THSD7A: variants seen among roughly 807,000 people sequenced by gnomAD.
THSD7A encodes thrombospondin type-1 domain-containing protein 7A.
A neutral mutation model predicts 231.3 loss-of-function variants in THSD7A; 96 were observed. The ratio of observed to expected loss-of-function variants is 0.41; its 90% CI spans 0.35 to 0.49. The LOEUF is 0.49. Among genes scored for constraint, THSD7A ranks in the 20% least tolerant of loss-of-function variants. The pLI, the probability that THSD7A is intolerant of heterozygous loss-of-function variation, is 0.05. For missense variants in THSD7A, 2,290 were observed against 2,070.2 expected (o/e 1.11, Z -2.06); for synonymous variants, 940 against 743.3 (o/e 1.26, Z -4.30).
chr7:11,663,765 A>G (rs911599739), intron 1 of THSD7A, among the ~76,000 whole-genome samples: 5 of 151,676 alleles, frequency 3.3e-5, no homozygotes, highest in African/African-American at 1.2e-4. Flanking sequence ...ATGTAATAAA[A>G]TAAGAACTAC....
chr7:11,550,447 G>C (rs919618923), intron 4 of THSD7A, among the ~76,000 whole-genome samples: 1 of 152,134 alleles, frequency 6.6e-6, no homozygotes, highest in Non-Finnish European at 1.5e-5. Flanking sequence ...TCAAGGGAGG[G>C]ACCTGGCAGG....
chr7:11,606,635 G>A (rs1008394390), intron 2 of THSD7A, among the ~76,000 whole-genome samples: 6 of 151,204 alleles, frequency 4.0e-5, no homozygotes, highest in Non-Finnish European at 7.4e-5. Flanking sequence ...TTTTCTTCCT[G>A]TAAAGATACA....
In THSD7A at chr7:11,382,334, A is replaced by C. The variant is rs117392417; in HGVS notation, c.4507+187T>G. Among the ~76,000 whole-genome samples the C allele has an allele frequency of 2.9e-3, 440 of 152,328 alleles. 3 individuals carry two copies. The highest frequency in any genetic ancestry group is 6.8e-3 in the Middle Eastern group (2 of 294). ...AAAAGGCTAGGTGAGAGATAATTTGAACCACCTATAAAATAAAATAATTTG... is the reference window on the plus strand; with the variant it reads ...AAAAGGCTAGGTGAGAGATAATTTGCACCACCTATAAAATAAAATAATTTG... On this transcript the variant is annotated intron_variant, in intron 24 of 27. Transcript: ENST00000423059.
At chr7:11,427,444 A>G (rs927577897) in intron 14 of THSD7A, among the ~76,000 whole-genome samples, 1 of 152,138 alleles carries the variant, frequency 6.6e-6, no homozygotes, top group Non-Finnish European at 1.5e-5. Flanking sequence ...ATCAGAATAT[A>G]TTAGAGTTGG....
intron 1 of THSD7A, among the ~76,000 whole-genome samples, chr7:11,716,654 C>T (rs1231398281): frequency 6.6e-6 from 1 of 151,462 alleles, no homozygotes; most frequent in African/African-American, 2.4e-5. Flanking sequence ...CTTTATATGC[C>T]TCATGTTATT....
intron 1 of THSD7A, among the ~76,000 whole-genome samples, chr7:11,720,421 G>A (rs1036757493): frequency 6.6e-6 from 1 of 151,674 alleles, no homozygotes; most frequent in African/African-American, 2.4e-5. Context: ...TCAGGAATAT[G>A]AATTTATTGA....
At chr7:11,700,712 A>G (rs1381753385) in intron 1 of THSD7A, among the ~76,000 whole-genome samples, 1 of 151,204 alleles carries the variant, frequency 6.6e-6, no homozygotes, top group Non-Finnish European at 1.5e-5. Context: ...AATTAAAATC[A>G]TATGTCAGGA....
At chr7:11,642,840 C>T (rs573647896) in intron 1 of THSD7A, among the ~76,000 whole-genome samples, 1 of 152,064 alleles carries the variant, frequency 6.6e-6, no homozygotes, top group Non-Finnish European at 1.5e-5. Context: ...TGCCTATCCT[C>T]TTGATATCGT....
chr7:11,669,616 G>A (rs1783292481), intron 1 of THSD7A, among the ~76,000 whole-genome samples: 1 of 151,264 alleles, frequency 6.6e-6, no homozygotes, highest in Non-Finnish European at 1.5e-5. Flanking sequence ...ATTTTTTACT[G>A]GTTTTTAAAA....
chr7:11,412,904 G>GCTAA (rs1298438794), intron 17 of THSD7A, 104 bp from the exon 18 acceptor site: 16 of 1,311,030 alleles, frequency 1.2e-5, no homozygotes, highest in Non-Finnish European at 1.7e-5. Flanking sequence ...TGGGCCACTG[G>GCTAA]CTAACTCAGA....
chr7:11,598,693 C>G (rs1270085862), intron 2 of THSD7A, among the ~76,000 whole-genome samples: 2 of 152,166 alleles, frequency 1.3e-5, no homozygotes, highest in African/African-American at 4.8e-5. Context: ...ATATATGGTA[C>G]TCTTTCTCCC....
At chr7:11,436,198 C>T (rs1784626935) in intron 13 of THSD7A, among the ~76,000 whole-genome samples, 1 of 152,002 alleles carries the variant, frequency 6.6e-6, no homozygotes, top group Admixed American at 6.6e-5. Flanking sequence ...GGAATACAAA[C>T]ATATTTGATG....
At chr7:11,755,303 T>C (rs1782635008) in intron 1 of THSD7A, among the ~76,000 whole-genome samples, 1 of 152,120 alleles carries the variant, frequency 6.6e-6, no homozygotes, top group Non-Finnish European at 1.5e-5. Context: ...ACAAAATTAT[T>C]TCTCAAAATA....
intron 6 of THSD7A, among the ~76,000 whole-genome samples, chr7:11,492,665 G>A (rs1052845228): frequency 3.3e-5 from 5 of 152,062 alleles, no homozygotes; most frequent in African/African-American, 9.7e-5. Flanking sequence ...AATATTTGGA[G>A]AGAACTGAAG....
At chr7:11,581,836 A>AT (rs1791179859) in intron 4 of THSD7A, among the ~76,000 whole-genome samples, 1 of 152,026 alleles carries the variant, frequency 6.6e-6, no homozygotes, top group East Asian at 1.9e-4. Flanking sequence ...AAAAAATATG[A>AT]TTTTTACCAT....
intron 1 of THSD7A, among the ~76,000 whole-genome samples, chr7:11,665,051 G>T (rs569697090): frequency 8.4e-4 from 128 of 152,164 alleles, no homozygotes; most frequent in African/African-American, 3.0e-3. Context: ...AGCATCAAAG[G>T]CTTTGTCTGT....
chr7:11,740,907 T>C (rs1179603335), intron 1 of THSD7A, among the ~76,000 whole-genome samples: 1 of 151,990 alleles, frequency 6.6e-6, no homozygotes, highest in Non-Finnish European at 1.5e-5. Context: ...ATTTGCAGTA[T>C]TTGCTGAATT....
intron 1 of THSD7A, among the ~76,000 whole-genome samples, chr7:11,668,159 G>A (rs1037154054): frequency 9.9e-5 from 15 of 152,136 alleles, no homozygotes; most frequent in Admixed American, 9.8e-4. Context: ...GGAAGGCCGG[G>A]CATGGTGGCT....
At chr7:11,643,527 A>T (rs914069430) in intron 1 of THSD7A, among the ~76,000 whole-genome samples, 1 of 151,950 alleles carries the variant, frequency 6.6e-6, no homozygotes, top group Non-Finnish European at 1.5e-5. Flanking sequence ...GCTACCAATT[A>T]ATTGTTCTAT....
Sources: allele counts gnomAD v4.1 joint callset (sites outside exome capture counted in the v4.1 genomes callset), GRCh38; gene constraint gnomAD v4.1.1; transcripts MANE v1.5; gene names NCBI Gene and HGNC (gene_info 2026-07-23, HGNC 2026-07-21).